The following GRID1 variants were observed in gnomAD, a reference collection of about 807,000 sequenced individuals.
GRID1 encodes glutamate ionotropic receptor delta type subunit 1, also known as glutamate receptor ionotropic, delta-1.
A neutral mutation model predicts 98.0 loss-of-function variants in GRID1; 28 were observed. The observed-to-expected ratio is 0.29, with a 90% CI of 0.21 to 0.39. The LOEUF (loss-of-function observed/expected upper bound fraction) is 0.39, where lower values mean the gene tolerates loss of function less well. Among genes scored for constraint, GRID1 ranks in the 10% least tolerant of loss-of-function variants. The pLI is 1.00. For synonymous variants in GRID1, 553 were observed against 538.5 expected (o/e 1.03, Z -0.37); for missense variants, 1,111 against 1,340.5 (o/e 0.83, Z 2.67).
intron 8 of GRID1, among the ~76,000 whole-genome samples, chr10:85,845,573 C>G (rs1403747607): frequency 6.6e-6 from 1 of 152,056 alleles, no homozygotes; most frequent in Non-Finnish European, 1.5e-5. Flanking sequence ...TAAGAAAATA[C>G]AAAGAGTCAA....
intron 4 of GRID1, among the ~76,000 whole-genome samples, chr10:86,027,766 T>A (rs769994329): frequency 6.6e-6 from 1 of 152,208 alleles, no homozygotes; most frequent in South Asian, 2.1e-4. Context: ...ACATCAGACA[T>A]CTTGTTTCCT....
At chr10:86,016,524 C>T (rs771142033) in intron 4 of GRID1, among the ~76,000 whole-genome samples, 3 of 152,138 alleles carry the variant, frequency 2.0e-5, no homozygotes, top group Non-Finnish European at 2.9e-5. Flanking sequence ...TATGAATTCT[C>T]TCTAAATTGG....
At chr10:86,059,530 TC>T (rs1843621087) in intron 4 of GRID1, among the ~76,000 whole-genome samples, 1 of 152,220 alleles carries the variant, frequency 6.6e-6, no homozygotes, top group East Asian at 1.9e-4. Flanking sequence ...AAATCATCCT[TC>T]AATAAGAAGA....
At chr10:85,985,082 C>A (rs965153203) in intron 4 of GRID1, among the ~76,000 whole-genome samples, 9 of 152,246 alleles carry the variant, frequency 5.9e-5, no homozygotes, top group Admixed American at 5.2e-4. Context: ...CATCCCAACC[C>A]CCCAGCTGTA....
rs57308235 is a variant in GRID1 at position 85,710,014 on chromosome 10, T to C, written c.1997+12989A>G. Among the ~76,000 whole-genome samples the C allele has an allele frequency of 4.0e-3, 613 of 152,254 alleles. 9 individuals carry two copies. The highest frequency in any genetic ancestry group is 0.014 in the African/African-American group (587 of 41,548). On this transcript the variant is annotated intron_variant, in intron 12 of 15. Transcript: ENST00000327946. ...CAAATAAATAGACATCTTATGCTAA[T>C]GGATTGGAAGACTTAATATTTTAAG...
At chr10:86,119,189 T>G (rs188002501) in intron 4 of GRID1, among the ~76,000 whole-genome samples, 260 of 151,918 alleles carry the variant, frequency 1.7e-3, no homozygotes, top group African/African-American at 5.8e-3. Context: ...ACAAAAATTA[T>G]CCGGGCATGG....
intron 5 of GRID1, among the ~76,000 whole-genome samples, chr10:85,901,875 A>G (rs1841394129): frequency 6.6e-6 from 1 of 152,206 alleles, no homozygotes; most frequent in Non-Finnish European, 1.5e-5. Flanking sequence ...GACCTCATAT[A>G]TCTGCAACCA....
At chr10:86,200,709 A>C (rs1021485714) in intron 3 of GRID1, among the ~76,000 whole-genome samples, 1 of 152,254 alleles carries the variant, frequency 6.6e-6, no homozygotes, top group Non-Finnish European at 1.5e-5. Context: ...ATTAACTTAA[A>C]GAAGATATTG....
intron 3 of GRID1, among the ~76,000 whole-genome samples, chr10:86,165,012 T>G (rs569232692): frequency 5.3e-5 from 8 of 152,150 alleles, no homozygotes; most frequent in African/African-American, 1.9e-4. Context: ...GGTAGGAAAT[T>G]TGGGGAGTCC....
At chr10:85,989,646 G>A (rs1842655570) in intron 4 of GRID1, among the ~76,000 whole-genome samples, 1 of 152,166 alleles carries the variant, frequency 6.6e-6, no homozygotes, top group African/African-American at 2.4e-5. Context: ...GATCTGAAAT[G>A]GAACAGTTTC....
rs182970012 is a variant in GRID1, at chr10:86,118,003, C to T, written c.726+20816G>A. Among the ~76,000 whole-genome samples, 365 of 152,294 alleles carry T rather than the reference C, an allele frequency of 2.4e-3. 2 individuals carry two copies. The highest frequency in any genetic ancestry group is 0.019 in the East Asian group (98 of 5,186). On this transcript the variant is annotated intron_variant, in intron 4 of 15. Transcript: ENST00000327946. ...ATTATACAAAAAAGATACTTGCACA[C>T]GCATGTTTATAGCAGCATAATTTGC... is the stretch of plus-strand genomic sequence containing the variant.
intron 4 of GRID1, among the ~76,000 whole-genome samples, chr10:86,050,325 T>C (rs924611836): frequency 1.3e-5 from 2 of 152,256 alleles, no homozygotes; most frequent in African/African-American, 4.8e-5. Context: ...ATATATGTAG[T>C]GTTTAGTATT....
intron 5 of GRID1, among the ~76,000 whole-genome samples, chr10:85,915,500 T>C (rs1256088461): frequency 6.6e-6 from 1 of 151,286 alleles, no homozygotes; most frequent in Non-Finnish European, 1.5e-5. Context: ...CATACATTTA[T>C]ACATGCACAC....
chr10:85,761,369 T>A (rs1331558268), intron 8 of GRID1, among the ~76,000 whole-genome samples: 2 of 152,216 alleles, frequency 1.3e-5, no homozygotes, highest in African/African-American at 4.8e-5. Context: ...AGAAATTGAC[T>A]CCTGGAGTTC....
At chr10:86,024,046 C>T (rs1843084329) in intron 4 of GRID1, among the ~76,000 whole-genome samples, 1 of 152,132 alleles carries the variant, frequency 6.6e-6, no homozygotes, top group Admixed American at 6.5e-5. Context: ...TGCCTCTGAA[C>T]CAAGGCCAGC....
intron 8 of GRID1, among the ~76,000 whole-genome samples, chr10:85,731,441 C>T (rs1841820229): frequency 6.7e-6 from 1 of 148,712 alleles, no homozygotes; most frequent in Admixed American, 6.7e-5. Context: ...ACCAAAATAC[C>T]ACACTTTGGG....
chr10:86,004,181 T>C (rs745367340), intron 4 of GRID1, among the ~76,000 whole-genome samples: 4 of 152,254 alleles, frequency 2.6e-5, no homozygotes, highest in South Asian at 2.1e-4. Flanking sequence ...CCAGGCCACC[T>C]GACCCCACAT....
intron 3 of GRID1, among the ~76,000 whole-genome samples, chr10:86,174,908 C>T (rs1365035484): frequency 6.6e-6 from 1 of 152,110 alleles, no homozygotes; most frequent in East Asian, 1.9e-4. Context: ...CCATCAGTGG[C>T]CATCAGAGAA....
intron 4 of GRID1, among the ~76,000 whole-genome samples, chr10:86,085,190 G>A (rs897999298): frequency 1.3e-5 from 2 of 152,192 alleles, no homozygotes; most frequent in East Asian, 3.9e-4. Context: ...TTTGGAGTGA[G>A]CAGGAAAAAC....
Sources: allele counts gnomAD v4.1 joint callset (sites outside exome capture counted in the v4.1 genomes callset), GRCh38; gene constraint gnomAD v4.1.1; transcripts MANE v1.5; gene names NCBI Gene and HGNC (gene_info 2026-07-23, HGNC 2026-07-21).